Variants in TULP3 observed in about 807,000 individuals in gnomAD.
The protein encoded by TULP3 is TUB like protein 3, also known as tubby-related protein 3.
In TULP3, 38 loss-of-function variants were observed where a neutral mutation model predicts 50.7. The observed-to-expected ratio is 0.75, with a 90% confidence interval of 0.58 to 0.98. The LOEUF is 0.98. TULP3 is among the 50% of genes least tolerant of loss of function. The pLI, the probability that TULP3 is intolerant of heterozygous loss-of-function variation, is 0.00. For missense variants in TULP3, 550 were observed against 568.0 expected (o/e 0.97, Z 0.32); for synonymous variants, 183 against 196.6 (o/e 0.93, Z 0.58).
intron 2 of TULP3, among the ~76,000 whole-genome samples, chr12:2,917,229 AT>A (rs1450097470): frequency 1.3e-5 from 2 of 152,182 alleles, no homozygotes; most frequent in African/African-American, 4.8e-5. Flanking sequence ...TAGAAGGCTT[AT>A]TGGTGAGCAA....
chr12:2,922,304 A>G lies in TULP3; in HGVS notation c.296A>G (p.His99Arg), dbSNP rs1338370409. Reference sequence around the variant, plus strand: ...GCTGTCCTGAAACCAGACGAAGTTCATGCTCCATCAGTAAGCTCCTCTGTT... The same window carrying G: ...GCTGTCCTGAAACCAGACGAAGTTCGTGCTCCATCAGTAAGCTCCTCTGTT... ...PAAVLKPDEVHAPSVSSSVVE... is the reference protein window; with the variant it reads ...PAAVLKPDEVRAPSVSSSVVE... The change falls in exon 4 of 11, where the codon CAT becomes CGT. Residue 99 changes from histidine to arginine, a missense_variant. By Grantham distance (29) the His-to-Arg change is conservative. Transcript: ENST00000448120. 1.9e-6 allele frequency: 3 copies of G among 1,614,066 alleles called. No homozygotes were observed. Among genetic ancestry groups the G allele is most frequent in the Middle Eastern group, 3.3e-4 (2 of 6,084 alleles).
At chr12:2,909,648 T>C (rs1452432205) in intron 2 of TULP3, 68 bp downstream of exon 2, 3 of 1,469,336 alleles carry the variant, frequency 2.0e-6, no homozygotes, top group Non-Finnish European at 2.8e-6. Context: ...TGGTCTTGGC[T>C]CTGAAGCCTT....
At chr12:2,894,365 A>C (rs1286948233) in intron 1 of TULP3, among the ~76,000 whole-genome samples, 1 of 151,300 alleles carries the variant, frequency 6.6e-6, no homozygotes, top group Non-Finnish European at 1.5e-5. Flanking sequence ...GAGAAACCCT[A>C]TCTCTACTAA....
intron 7 of TULP3, among the ~76,000 whole-genome samples, chr12:2,934,228 G>A (rs1241623680): frequency 2.6e-5 from 4 of 152,162 alleles, no homozygotes; most frequent in African/African-American, 7.2e-5. Context: ...CAGCCTGGGC[G>A]ACAGAGCGAG....
chr12:2,931,485 T>C (rs2098198022), intron 6 of TULP3, among the ~76,000 whole-genome samples: 1 of 152,238 alleles, frequency 6.6e-6, no homozygotes, highest in Non-Finnish European at 1.5e-5. Context: ...GGACGGGTAG[T>C]TGTTAATGTA....
In TULP3 at chr12:2,931,319, A is replaced by G. The variant is rs971322944; in HGVS notation, c.696+79A>G. 2.4e-5 allele frequency: 34 copies of G among 1,414,878 alleles called. No homozygotes were observed. The East Asian group carries it at 7.8e-4, about 32-fold the overall frequency. The allele number at this position is 1,414,878 out of a possible 1,614,324, so 87.6% of individuals were successfully genotyped here. A position where few individuals can be genotyped will look rare whatever the true frequency, so the allele number is the denominator to read the frequency against. ...AATAGATTGTTGATGGGCCTTAGGG[A>G]ACTAACTCTGGTATTAGACCAAGCC... On this transcript the variant is annotated intron_variant, in intron 6 of 10. Transcript: ENST00000448120.
chr12:2,900,746 T>C (rs981869487), intron 1 of TULP3, among the ~76,000 whole-genome samples: 1 of 151,782 alleles, frequency 6.6e-6, no homozygotes, highest in Non-Finnish European at 1.5e-5. Context: ...TTTTTGAGAG[T>C]GTCTTGCTCT....
intron 3 of TULP3, among the ~76,000 whole-genome samples, chr12:2,921,265 G>A (rs573738954): frequency 5.3e-5 from 8 of 152,084 alleles, no homozygotes; most frequent in East Asian, 3.9e-4. Context: ...TCAACTTCCC[G>A]AGTAGCTGGG....
intron 4 of TULP3, among the ~76,000 whole-genome samples, chr12:2,925,259 T>C (rs767659075): frequency 1.3e-5 from 2 of 152,048 alleles, no homozygotes; most frequent in Non-Finnish European, 2.9e-5. Flanking sequence ...AATTACTGTG[T>C]ACCAGAAAGA....
At chr12:2,934,171 C>T (rs1309047501) in intron 7 of TULP3, among the ~76,000 whole-genome samples, 3 of 152,096 alleles carry the variant, frequency 2.0e-5, no homozygotes, top group East Asian at 3.9e-4. Context: ...TGACTTGAGC[C>T]TGGGAGTTTG....
intron 2 of TULP3, among the ~76,000 whole-genome samples, chr12:2,910,271 G>A (rs112588886): frequency 1.9e-3 from 239 of 128,608 alleles, no homozygotes; most frequent in African/African-American, 6.8e-3. Flanking sequence ...GCAAGACTCC[G>A]TCTCAAAGAA....
chr12:2,903,835 AG>A (rs1438858555), intron 1 of TULP3, among the ~76,000 whole-genome samples: 24 of 151,906 alleles, frequency 1.6e-4, no homozygotes, highest in African/African-American at 5.8e-4. Flanking sequence ...GCTGGAGTGC[AG>A]TCAGTGGCAC....
rs544574919 is a variant in TULP3, at chr12:2,931,329, G to A, written c.696+89G>A. On this transcript the variant is annotated intron_variant, in intron 6 of 10. Coordinates refer to ENST00000448120, the MANE Select transcript of TULP3 (RefSeq NM_003324.5). ...TGATGGGCCTTAGGGAACTAACTCT[G>A]GTATTAGACCAAGCCAGCTGGAAGT... 745 of 1,275,274 alleles carry A rather than the reference G, an allele frequency of 5.8e-4. 8 individuals are homozygous for A. The South Asian group carries it at 9.8e-3, about 17-fold the overall frequency. 79.0% of individuals were successfully genotyped at this position (1,275,274 alleles called of 1,614,324 possible).
In TULP3 at chr12:2,940,769, C is replaced by T; in HGVS notation, c.*1325C>T. 6.7e-7 allele frequency: 1 copy of T among 1,495,386 alleles called. No individual in the cohort carries two copies. The highest frequency in any genetic ancestry group is 1.7e-4 in the Middle Eastern group (1 of 5,762). 92.6% of individuals were successfully genotyped at this position (1,495,386 alleles called of 1,614,324 possible). A position where few individuals can be genotyped will look rare whatever the true frequency, so the allele number is the denominator to read the frequency against. ...GCTGCGGGACCCTTGGCTTGTCCCC[C>T]ACCGACAAGTCCCACCTGCTGGGTG... On this transcript the variant is annotated 3_prime_UTR_variant, in exon 11 of 11. Coordinates refer to ENST00000448120, the MANE Select transcript of TULP3 (RefSeq NM_003324.5).
At chr12:2,918,297 A>T (rs963720487) in intron 2 of TULP3, among the ~76,000 whole-genome samples, 1 of 151,452 alleles carries the variant, frequency 6.6e-6, no homozygotes, top group Non-Finnish European at 1.5e-5. Context: ...TTTTTAATAG[A>T]GACGGGGTTT....
At chr12:2,895,333 C>T (rs574293317) in intron 1 of TULP3, among the ~76,000 whole-genome samples, 1 of 152,250 alleles carries the variant, frequency 6.6e-6, no homozygotes, top group Non-Finnish European at 1.5e-5. Context: ...TCCCTGGCTT[C>T]AATTAAGTTA....
intron 10 of TULP3, among the ~76,000 whole-genome samples, chr12:2,938,487 G>C (rs1344664810): frequency 1.3e-5 from 2 of 152,118 alleles, no homozygotes; most frequent in Admixed American, 6.6e-5. Flanking sequence ...GAGTGTGAGA[G>C]AGATGCTATA....
chr12:2,931,125 G>C lies in TULP3; in HGVS notation c.581G>C (p.Ser194Thr). 1 of 1,614,154 alleles carries C rather than the reference G, an allele frequency of 6.2e-7. No individual in the cohort carries two copies. Among genetic ancestry groups the C allele is most frequent in the Non-Finnish European group, 8.5e-7 (1 of 1,180,034 alleles). ...GACGACCTGGAGGACTTTGTGTATA[G>C]TCCTGCCCCTCAAGGTGTCACAGTA... ...DIDDLEDFVY[S>T]PAPQGVTVRC... The change falls in exon 6 of 11, where the codon AGT becomes ACT. Residue 194 changes from serine (S) to threonine (T), a missense_variant. Transcript: ENST00000448120.
At chr12:2,937,572 G>C (rs2098202125) in intron 8 of TULP3, 59 bp from the exon 9 acceptor site, 3 of 1,185,226 alleles carry the variant, frequency 2.5e-6, no homozygotes, top group Non-Finnish European at 2.5e-6. Flanking sequence ...TGTTATAAAA[G>C]AATGTGGTCT....
Sources: allele counts gnomAD v4.1 joint callset (sites outside exome capture counted in the v4.1 genomes callset), GRCh38; gene constraint gnomAD v4.1.1; transcripts MANE v1.5; gene names NCBI Gene and HGNC (gene_info 2026-07-23, HGNC 2026-07-21).